The following SPAG6 variants were observed in gnomAD, a reference collection of about 807,000 sequenced individuals.
SPAG6 encodes sperm associated antigen 6, also known as sperm-associated antigen 6.
Under a neutral mutation model 58.5 loss-of-function variants are expected in SPAG6, and 49 were observed. The ratio of observed to expected loss-of-function variants is 0.84; its 90% CI spans 0.67 to 1.06. The LOEUF (loss-of-function observed/expected upper bound fraction) is 1.06. Among genes scored for constraint, SPAG6 ranks in the 50% least tolerant of loss-of-function variants. The pLI is 0.00. For missense variants in SPAG6, 560 were observed against 611.3 expected (o/e 0.92, Z 0.89); for synonymous variants, 233 against 225.6 (o/e 1.03, Z -0.29).
chr10:22,389,612 A>G (rs1411638181), intron 7 of SPAG6, among the ~76,000 whole-genome samples: 2 of 152,228 alleles, frequency 1.3e-5, no homozygotes, highest in African/African-American at 4.8e-5. Flanking sequence ...ATCTACAAAC[A>G]TGTAAAGCTT....
intron 4 of SPAG6, among the ~76,000 whole-genome samples, chr10:22,372,469 C>G (rs964353812): frequency 6.6e-6 from 1 of 152,172 alleles, no homozygotes; most frequent in African/African-American, 2.4e-5. Flanking sequence ...GCTTCCTCAG[C>G]TGATGGCTCA....
chr10:22,360,739 C>T (rs1202395843), intron 2 of SPAG6: 10 of 1,338,222 alleles, frequency 7.5e-6, no homozygotes, highest in South Asian at 5.4e-5. Flanking sequence ...CCAGTGATGT[C>T]GTTTGCTCCT....
intron 4 of SPAG6, among the ~76,000 whole-genome samples, chr10:22,383,061 A>G (rs910595442): frequency 6.6e-6 from 1 of 152,230 alleles, no homozygotes; most frequent in Non-Finnish European, 1.5e-5. Flanking sequence ...GATATATTAT[A>G]AAAATTTTTT....
intron 8 of SPAG6, among the ~76,000 whole-genome samples, chr10:22,397,327 A>T (rs2132097317): frequency 6.6e-6 from 1 of 152,150 alleles, no homozygotes; most frequent in African/African-American, 2.4e-5. Flanking sequence ...ACAGGGTCTC[A>T]CTCTGTTGCC....
chr10:22,404,845 C>T (rs1294227424), intron 9 of SPAG6, among the ~76,000 whole-genome samples: 2 of 152,132 alleles, frequency 1.3e-5, no homozygotes, highest in Admixed American at 1.3e-4. Context: ...TTGAAGAGGT[C>T]CTTCATTCAC....
At chr10:22,413,966 A>G (rs1398780208) in intron 10 of SPAG6, among the ~76,000 whole-genome samples, 2 of 152,154 alleles carry the variant, frequency 1.3e-5, no homozygotes, top group African/African-American at 2.4e-5. Context: ...TATTTATTTC[A>G]TACTGCCTTC....
At chr10:22,381,249 A>G (rs1833948880) in intron 4 of SPAG6, among the ~76,000 whole-genome samples, 1 of 152,064 alleles carries the variant, frequency 6.6e-6, no homozygotes, top group African/African-American at 2.4e-5. Flanking sequence ...TATGGTTGTA[A>G]AATGGGGTGG....
chr10:22,415,169 T>C (rs1834838715), intron 10 of SPAG6, among the ~76,000 whole-genome samples: 1 of 151,916 alleles, frequency 6.6e-6, no homozygotes, highest in South Asian at 2.1e-4. Context: ...TTATTATTAA[T>C]CTAATATCAA....
At chr10:22,370,567 G>A (rs945228141) in intron 4 of SPAG6, among the ~76,000 whole-genome samples, 2 of 152,116 alleles carry the variant, frequency 1.3e-5, no homozygotes, top group Non-Finnish European at 2.9e-5. Flanking sequence ...ACAGGAAGAG[G>A]CTTTCCTATG....
chr10:22,369,589 A>G (rs1433322184), intron 4 of SPAG6, among the ~76,000 whole-genome samples: 23 of 152,152 alleles, frequency 1.5e-4, no homozygotes, highest in Admixed American at 1.5e-3. Flanking sequence ...TTTAGTTTAG[A>G]TACTACCATT....
intron 4 of SPAG6, among the ~76,000 whole-genome samples, chr10:22,382,810 A>G (rs1670060458): frequency 6.6e-6 from 1 of 152,216 alleles, no homozygotes; most frequent in African/African-American, 2.4e-5. Context: ...AGCAGTAGCT[A>G]TATGTATGGG....
intron 2 of SPAG6, among the ~76,000 whole-genome samples, chr10:22,353,157 C>G (rs1486821496): frequency 1.3e-5 from 2 of 152,214 alleles, no homozygotes; most frequent in African/African-American, 4.8e-5. Flanking sequence ...GATTTTCAAA[C>G]TGATTGCTTT....
intron 4 of SPAG6, among the ~76,000 whole-genome samples, chr10:22,369,283 G>C (rs1424594360): frequency 1.3e-5 from 2 of 152,150 alleles, no homozygotes; most frequent in Admixed American, 1.3e-4. Flanking sequence ...GGGGACCTGG[G>C]CCTCTTGTGA....
intron 9 of SPAG6, among the ~76,000 whole-genome samples, chr10:22,408,907 C>T (rs1008358531): frequency 3.3e-5 from 5 of 152,170 alleles, no homozygotes; most frequent in Non-Finnish European, 5.9e-5. Flanking sequence ...TTCCAGGTGC[C>T]GTCTGTCACC....
intron 3 of SPAG6, 136 bp downstream of exon 3, chr10:22,365,155 T>C (rs575981913): frequency 5.2e-6 from 3 of 571,608 alleles, no homozygotes; most frequent in Non-Finnish European, 5.9e-6. Context: ...CTGAGCTGCA[T>C]GTAATCATAT....
intron 8 of SPAG6, 76 bp downstream of exon 8, chr10:22,391,996 T>G: frequency 1.1e-6 from 1 of 947,644 alleles, no homozygotes; most frequent in South Asian, 1.6e-5. Context: ...TTTGTTTTCA[T>G]CATGGACAAT....
At chr10:22,360,810 C>T (rs1837012645) in intron 2 of SPAG6, 1 of 1,534,080 alleles carries the variant, frequency 6.5e-7, no homozygotes, top group Non-Finnish European at 8.7e-7. Flanking sequence ...AATTTGTGAA[C>T]TCTAAATTTC....
rs374524057 is a variant in SPAG6, at chr10:22,375,152, C to G, written c.472+6474C>G. ...ACCATGACATGTTTCTCTATTGTTT[C>G]TTGAACTTAGTTTGTTTTCCAGTCA... On this transcript the variant is annotated intron_variant, in intron 4 of 10. Coordinates refer to ENST00000376624, the MANE Select transcript of SPAG6 (RefSeq NM_012443.4). Among the ~76,000 whole-genome samples the G allele has an allele frequency of 3.3e-5, 5 of 152,304 alleles. No homozygotes were observed. In the South Asian group the frequency reaches 1.0e-3, roughly 32 times the overall value.
At chr10:22,367,241 C>G (rs1472124685) in intron 3 of SPAG6, among the ~76,000 whole-genome samples, 1 of 151,614 alleles carries the variant, frequency 6.6e-6, no homozygotes. Context: ...CCATTTTTTC[C>G]CCACATTTGT....
Sources: allele counts gnomAD v4.1 joint callset (sites outside exome capture counted in the v4.1 genomes callset), GRCh38; gene constraint gnomAD v4.1.1; transcripts MANE v1.5; gene names NCBI Gene and HGNC (gene_info 2026-07-23, HGNC 2026-07-21).